Variants in SLC49A3 observed in about 807,000 individuals in gnomAD.
SLC49A3 encodes solute carrier family 49 member 3.
Under a neutral mutation model 43.8 loss-of-function variants are expected in SLC49A3, and 50 were observed. The observed-to-expected ratio is 1.14, with a 90% CI of 0.91 to 1.45. The LOEUF (loss-of-function observed/expected upper bound fraction) is 1.45. Among genes scored for constraint, SLC49A3 ranks in the 40% most tolerant of loss-of-function variants. The probability of loss-of-function intolerance (pLI) is 0.00; values close to 1 mark genes in which losing one functional copy is unlikely to be tolerated. For synonymous variants in SLC49A3, 413 were observed against 352.0 expected, an observed-to-expected ratio of 1.17 and a Z score of -1.94; for missense variants, 906 against 774.1, an observed-to-expected ratio of 1.17 and a Z score of -2.02.
chr4:686,145 G>A lies in SLC49A3; in HGVS notation c.452C>T (p.Ala151Val). ...SLVIFSPAKLAALWFPEHQRA... is the reference protein window; with the variant it reads ...SLVIFSPAKLVALWFPEHQRA... ...CTGGTGCTCTGGGAACCACAAGGCA[G>A]CCAGCTTGGCTGGAGAGAAGATGAC... Residue 151 changes from alanine (A) to valine (V), a missense_variant, in exon 3 of 10, where the codon GCT becomes GTT. Transcript: ENST00000322224. 1 of 1,613,264 alleles carries A rather than the reference G, an allele frequency of 6.2e-7. No individual in the cohort carries two copies. The highest frequency in any genetic ancestry group is 8.5e-7 in the Non-Finnish European group (1 of 1,179,976).
downstream of SLC49A3, chr4:676,989 C>T (rs1345311099): frequency 1.1e-6 from 1 of 939,442 alleles, no homozygotes; most frequent in Non-Finnish European, 1.3e-6. Flanking sequence ...GACCTCTGCT[C>T]AAGAGACATG....
chr4:677,463 G>A (rs1738960147), downstream of SLC49A3, among the ~76,000 whole-genome samples: 1 of 152,174 alleles, frequency 6.6e-6, no homozygotes, highest in South Asian at 2.1e-4. Flanking sequence ...TCACCCATGG[G>A]CCAGGCAAGG....
At chr4:683,588 T>C in intron 7 of SLC49A3, 21 bp downstream of exon 7, 2 of 1,542,174 alleles carry the variant, frequency 1.3e-6, no homozygotes, top group Non-Finnish European at 1.8e-6. Context: ...CAGGGCAGTC[T>C]TGGCTTGAGG....
At chr4:677,385 A>G (rs899593901), downstream of SLC49A3, among the ~76,000 whole-genome samples, 4 of 152,194 alleles carry the variant, frequency 2.6e-5, no homozygotes, top group Non-Finnish European at 5.9e-5. Flanking sequence ...TCAGGGCCCT[A>G]GAGTCCCCCT....
Position 683,197 on chromosome 4 carries a change from G to C in SLC49A3, c.1151+13C>G. 2 of 1,612,716 alleles carry C rather than the reference G, an allele frequency of 1.2e-6. No individual in the cohort carries two copies. The highest frequency in any genetic ancestry group is 8.5e-7 in the Non-Finnish European group (1 of 1,179,876). ...TATCTCTGGGGTTGCAGCAGGGGCA[G>C]ATGGACACTCACCCCAGCACAAAGA... On this transcript the variant is annotated intron_variant, in intron 8 of 9. Coordinates refer to ENST00000322224, the MANE Select transcript of SLC49A3 (RefSeq NM_032219.4).
At chr4:678,502 G>A, downstream of SLC49A3, 2 of 1,443,246 alleles carry the variant, frequency 1.4e-6, no homozygotes, top group South Asian at 3.0e-5. Context: ...CAGCTACCCA[G>A]GCCTGAGGCT....
chr4:678,155 G>C (rs1400301356), downstream of SLC49A3: 1 of 1,546,612 alleles, frequency 6.5e-7, no homozygotes. Context: ...GTGGGCGTGT[G>C]CTCTGCCTGC....
downstream of SLC49A3, among the ~76,000 whole-genome samples, chr4:679,454 G>A (rs116497768): frequency 0.018 from 2,734 of 152,122 alleles, 79 homozygotes; most frequent in African/African-American, 0.063. Flanking sequence ...AGCACAGCCC[G>A]AGTGTGGTGG....
Position 686,377 on chromosome 4 carries a change from C to A in SLC49A3, c.295-75G>T, listed in dbSNP as rs879501994. 358 of 1,579,724 alleles carry A rather than the reference C, an allele frequency of 2.3e-4. No homozygotes were observed. In the Admixed American group the frequency reaches 6.2e-3, roughly 27 times the overall value. ...AGTGCCTGCCCCGTCCCCCGAGCAC[C>A]TGGACCTCCCACTGCCGCCACCTCG... On this transcript the variant is annotated intron_variant, in intron 2 of 9. Coordinates refer to ENST00000322224, the MANE Select transcript of SLC49A3 (RefSeq NM_032219.4).
downstream of SLC49A3, chr4:678,901 G>C: frequency 6.2e-7 from 1 of 1,607,484 alleles, no homozygotes; most frequent in South Asian, 1.1e-5. Context: ...CGGGAGCAGG[G>C]GGCGGGGCAG....
At chr4:677,914 C>T, downstream of SLC49A3, 1 of 1,584,218 alleles carries the variant, frequency 6.3e-7, no homozygotes, top group Non-Finnish European at 8.7e-7. Context: ...CCAAGCCTGT[C>T]CTTGTAGGGA....
chr4:680,358 A>G (rs1739331768), downstream of SLC49A3: 1 of 840,542 alleles, frequency 1.2e-6, no homozygotes, highest in African/African-American at 1.7e-5. Context: ...GGCTCAGGAA[A>G]GGAGAAGGCC....
At position 686,653 on chromosome 4, in the gene SLC49A3, G is replaced by A. The variant is rs1560176522; in HGVS notation, c.173C>T (p.Ala58Val). The A allele has an allele frequency of 2.5e-6, 4 of 1,613,210 alleles. No homozygotes were observed. The highest frequency in any genetic ancestry group is 1.6e-4 in the Middle Eastern group (1 of 6,062). Residue 58 changes from alanine to valine, a missense_variant, in exon 2 of 10, where the codon GCT becomes GTT. Ala to Val is a moderately conservative substitution (Grantham distance 64, BLOSUM62 0). Coordinates refer to ENST00000322224, the MANE Select transcript of SLC49A3 (RefSeq NM_032219.4). ...CTCCATGGACAGGACCAAGTCCTCA[G>A]CAATGACGTCAGCCACAGGTGCAAA... is the stretch of plus-strand genomic sequence containing the variant. ...LSFAPVADVI[A>V]EDLVLSMEQI...
At chr4:678,971 T>C (rs781220742), downstream of SLC49A3, 2 of 1,613,674 alleles carry the variant, frequency 1.2e-6, no homozygotes, top group African/African-American at 1.3e-5. Context: ...TTCACACTCA[T>C]GGATCAGAAC....
At chr4:680,597 C>CGGGCGGCCA (rs1553822802), downstream of SLC49A3, 1 of 1,612,640 alleles carries the variant, frequency 6.2e-7, no homozygotes, top group African/African-American at 1.3e-5. Context: ...AGTGAGTGCC[C>CGGGCGGCCA]GGGCGGCCAG....
chr4:689,987 C>G (rs1741741939), upstream of SLC49A3, among the ~76,000 whole-genome samples: 1 of 152,240 alleles, frequency 6.6e-6, no homozygotes, highest in African/African-American at 2.4e-5. Context: ...GTCAGACGTG[C>G]AAACAGGATT....
chr4:685,776 A>G lies in SLC49A3; in HGVS notation c.585+59T>C, dbSNP rs1011663021. ...CGGACACACTTGGGATCAGGAACAC[A>G]CAGACGTGCATGCGCACACACCACA... is the stretch of plus-strand genomic sequence containing the variant. On this transcript the variant is annotated intron_variant, in intron 4 of 9. Transcript: ENST00000322224. This position sits in a 1 kb window ranked among gnomAD's most constrained non-coding sequence, Gnocchi z 4.3. The G allele has an allele frequency of 6.4e-7, 1 of 1,566,642 alleles. No individual in the cohort carries two copies. The highest frequency in any genetic ancestry group is 1.7e-5 in the Admixed American group (1 of 59,546).
At chr4:681,050 A>G (rs377299244), downstream of SLC49A3, 32 of 1,564,562 alleles carry the variant, frequency 2.0e-5, no homozygotes, top group Admixed American at 3.6e-4. Flanking sequence ...AGGCTCCTGC[A>G]CCCCCGCATC....
chr4:680,948 A>G (rs1197648780), downstream of SLC49A3: 1 of 918,610 alleles, frequency 1.1e-6, no homozygotes, highest in East Asian at 2.6e-5. Context: ...TTGGGAAGGG[A>G]CCTGCCCCAG....
Sources: allele counts gnomAD v4.1 joint callset (sites outside exome capture counted in the v4.1 genomes callset), GRCh38; gene constraint gnomAD v4.1.1; non-coding constraint Gnocchi (gnomAD v3.1); transcripts MANE v1.5; gene names NCBI Gene and HGNC (gene_info 2026-07-23, HGNC 2026-07-21).